SYCP2: variants seen among roughly 807,000 people sequenced by gnomAD.
The protein encoded by SYCP2 is synaptonemal complex protein 2.
Under a neutral mutation model 211.3 loss-of-function variants are expected in SYCP2, and 55 were observed. The ratio of observed to expected loss-of-function variants is 0.26; its 90% confidence interval spans 0.21 to 0.33. The LOEUF (loss-of-function observed/expected upper bound fraction) is 0.33, where lower values mean the gene tolerates loss of function less well. Among genes scored for constraint, SYCP2 ranks in the 10% least tolerant of loss-of-function variants. The pLI, the probability that SYCP2 is intolerant of heterozygous loss-of-function variation, is 1.00. For missense variants in SYCP2, 1,731 were observed against 1,752.0 expected, an observed-to-expected ratio of 0.99 and a Z score of 0.21; for synonymous variants, 570 against 555.2, an observed-to-expected ratio of 1.03 and a Z score of -0.37.
At chr20:59,911,490 A>G (rs1156819711) in intron 14 of SYCP2, among the ~76,000 whole-genome samples, 2 of 152,230 alleles carry the variant, frequency 1.3e-5, no homozygotes, top group Admixed American at 6.5e-5. Flanking sequence ...GTCATAAATT[A>G]ACATTTATTT....
In SYCP2 at chr20:59,886,712, A is replaced by C; in HGVS notation, c.2487T>G (p.Ile829Met). 6.4e-7 allele frequency: 1 copy of C among 1,552,858 alleles called. No individual in the cohort carries two copies. Among genetic ancestry groups the C allele is most frequent in the Admixed American group, 2.2e-5 (1 of 45,704 alleles). ...KSTRKLKESL[I>M]NSGFSNKPVV... ...TCTGAAATTTAAGAACATACCTGTT[A>C]ATCAAAGACTCCTTTAATTTTCTTG... The change falls in exon 25 of 45, where the codon ATT becomes ATG. Residue 829 changes from isoleucine (I) to methionine (M), a missense_variant. Coordinates refer to ENST00000357552, the MANE Select transcript of SYCP2 (RefSeq NM_014258.4).
chr20:59,865,776 AG>A lies in SYCP2; in HGVS notation c.4379+30del, dbSNP rs758358077. ...TATTAATTTAAAAATCTAATTTTAT[AG>A]ATTATAGCCATTAAGAATGTCATAC... On this transcript the variant is annotated intron_variant, in intron 42 of 44. Transcript: ENST00000357552. 3.3e-6 allele frequency: 4 copies of A among 1,213,736 alleles called. No individual in the cohort carries two copies. In the African/African-American group the frequency reaches 4.8e-5, roughly 15 times the overall value. 75.2% of individuals were successfully genotyped at this position (1,213,736 alleles called of 1,614,324 possible).
rs375706587 is a variant in SYCP2, at chr20:59,909,204, A to G, written c.973-1780T>C. ...AATTTGTTTTTCATAGTTCTTTCAT[A>G]TAGGCACTCATTAAAACCCATGGTT... is the stretch of plus-strand genomic sequence containing the variant. On this transcript the variant is annotated intron_variant, in intron 14 of 44. Transcript: ENST00000357552. 6.6e-5 allele frequency among the ~76,000 whole-genome samples: 10 copies of G among 152,172 alleles called. No homozygotes were observed. In the East Asian group the frequency reaches 1.9e-3, roughly 29 times the overall value.
At chr20:59,897,207 G>A (rs1208007659) in intron 18 of SYCP2, among the ~76,000 whole-genome samples, 2 of 152,016 alleles carry the variant, frequency 1.3e-5, no homozygotes, top group African/African-American at 2.4e-5. Flanking sequence ...TAAAAGAGCT[G>A]GTTTTAAGGC....
intron 25 of SYCP2, 64 bp from the exon 26 acceptor site, chr20:59,886,028 T>C: frequency 8.0e-7 from 1 of 1,243,354 alleles, no homozygotes; most frequent in Non-Finnish European, 1.1e-6. Flanking sequence ...AAAAGTCATT[T>C]TAAGATAAAC....
At position 59,864,075 on chromosome 20, in the gene SYCP2, T is replaced by C. The variant is rs927881946; in HGVS notation, c.*236A>G. 1.4e-5 allele frequency: 4 copies of C among 293,610 alleles called. No homozygotes were observed. In the South Asian group the frequency reaches 6.5e-4, roughly 48 times the overall value. 18.2% of individuals were successfully genotyped at this position (293,610 alleles called of 1,614,324 possible). A position where few individuals can be genotyped will look rare whatever the true frequency, so the allele number is the denominator to read the frequency against. On this transcript the variant is annotated 3_prime_UTR_variant, in exon 45 of 45. Transcript: ENST00000357552. The stretch of plus-strand genomic sequence containing the variant: ...AACTCAAAAAGTTTCTTAAAGCTTT[T>C]ATCTCCAAAATTAAAAAAAAATATT...
intron 14 of SYCP2, 35 bp from the exon 15 acceptor site, chr20:59,907,459 T>C: frequency 6.5e-7 from 1 of 1,546,228 alleles, no homozygotes; most frequent in South Asian, 1.2e-5. Context: ...CCATAAATAA[T>C]TTATTTCTGA....
chr20:59,884,852 CA>C (rs2059755069), intron 26 of SYCP2, among the ~76,000 whole-genome samples: 1 of 151,638 alleles, frequency 6.6e-6, no homozygotes, highest in Non-Finnish European at 1.5e-5. Flanking sequence ...AGTGAAAAAA[CA>C]GAAGAAAAAA....
At chr20:59,906,522 GCAT>G (rs1188718138) in intron 15 of SYCP2, among the ~76,000 whole-genome samples, 1 of 152,014 alleles carries the variant, frequency 6.6e-6, no homozygotes, top group Non-Finnish European at 1.5e-5. Context: ...TCCAATCTCT[GCAT>G]CATACCTTAA....
intron 24 of SYCP2, 114 bp downstream of exon 24, chr20:59,891,876 A>G: frequency 1.1e-6 from 1 of 921,418 alleles, no homozygotes; most frequent in Admixed American, 3.2e-5. Flanking sequence ...CACTGAATTA[A>G]ACAAGGTATT....
intron 19 of SYCP2, 75 bp from the exon 20 acceptor site, chr20:59,895,672 AAAGGT>A: frequency 6.5e-7 from 1 of 1,526,728 alleles, no homozygotes; most frequent in Non-Finnish European, 9.0e-7. Flanking sequence ...TTCCAATGAG[AAAGGT>A]AAGAAACGAA....
rs201091355 is a variant in SYCP2 at position 59,865,851 on chromosome 20, C to A, written c.4335G>T (p.Lys1445Asn). Residue 1445 changes from lysine to asparagine, a missense_variant, in exon 42 of 45, where the codon AAG (lysine) becomes AAT (asparagine). Lys to Asn is a moderately conservative substitution (Grantham distance 94, BLOSUM62 0). Transcript: ENST00000357552. ...GATATGCACTGAACTTCTGAAATATCTTTTCCCAAAAGTCCTAAATTAATT... is the reference window on the plus strand; with the variant it reads ...GATATGCACTGAACTTCTGAAATATATTTTCCCAAAAGTCCTAAATTAATT... ...LEKEFVDFWE[K>N]IFQKFSAYQK... The A allele has an allele frequency of 3.5e-6, 5 of 1,421,196 alleles. No individual in the cohort carries two copies. The highest frequency in any genetic ancestry group is 4.7e-6 in the Non-Finnish European group (5 of 1,062,724). 88.0% of individuals were successfully genotyped at this position (1,421,196 alleles called of 1,614,324 possible). A position where few individuals can be genotyped will look rare whatever the true frequency, so the allele number is the denominator to read the frequency against.
At chr20:59,892,804 G>T in intron 22 of SYCP2, 103 bp from the exon 23 acceptor site, 1 of 1,061,862 alleles carries the variant, frequency 9.4e-7, no homozygotes, top group Non-Finnish European at 1.3e-6. Context: ...GATTACTTAT[G>T]TGAAAATTAT....
In SYCP2 at chr20:59,870,567, G is replaced by C. The variant is rs557976046; in HGVS notation, c.3556-584C>G. On this transcript the variant is annotated intron_variant, in intron 35 of 44. Transcript: ENST00000357552. ...AGGAAATAAGACAAAAAAGTGGAGA[G>C]AGAAATCATGTGTAGATAAGAAAGA... 2.0e-4 allele frequency among the ~76,000 whole-genome samples: 31 copies of C among 151,860 alleles called. No homozygotes were observed. The South Asian group carries it at 6.0e-3, about 29-fold the overall frequency.
At chr20:59,928,374 T>G (rs2060672816) in intron 2 of SYCP2, among the ~76,000 whole-genome samples, 2 of 152,164 alleles carry the variant, frequency 1.3e-5, no homozygotes, top group South Asian at 4.1e-4. Flanking sequence ...CTTAACATTA[T>G]AAAACCATCA....
chr20:59,894,012 G>A (rs774154132), intron 20 of SYCP2, among the ~76,000 whole-genome samples: 20 of 151,940 alleles, frequency 1.3e-4, no homozygotes, highest in Admixed American at 1.2e-3. Flanking sequence ...ATATCGAAGA[G>A]GACGATTTTT....
intron 2 of SYCP2, among the ~76,000 whole-genome samples, chr20:59,922,910 G>A (rs1345805413): frequency 2.6e-5 from 4 of 151,852 alleles, no homozygotes; most frequent in African/African-American, 9.7e-5. Flanking sequence ...AAATATGCAA[G>A]GAAAGGAGTG....
intron 15 of SYCP2, among the ~76,000 whole-genome samples, chr20:59,904,578 A>G (rs933901525): frequency 2.6e-5 from 4 of 152,198 alleles, no homozygotes; most frequent in Non-Finnish European, 5.9e-5. Context: ...TGGAGCATCT[A>G]TTGTTCCTGT....
In SYCP2 at chr20:59,867,761, T is replaced by G; in HGVS notation, c.4075A>C (p.Thr1359Pro). The G allele has an allele frequency of 6.2e-7, 1 of 1,610,216 alleles. No homozygotes were observed. The highest frequency in any genetic ancestry group is 8.5e-7 in the Non-Finnish European group (1 of 1,177,464). Residue 1359 changes from threonine (T) to proline (P), a missense_variant, in exon 39 of 45, where the codon ACT (threonine) becomes CCT (proline). By Grantham distance (38) the Thr-to-Pro change is conservative. Around this residue, in one of 3 missense-constraint regions of SYCP2, gnomAD observed 1,387 missense variants for 1,351.3 expected, o/e 1.03. Coordinates refer to ENST00000357552, the MANE Select transcript of SYCP2 (RefSeq NM_014258.4). The stretch of plus-strand genomic sequence containing the variant: ...TTGAGCCTCTCGTAAGTCTCATAAG[T>G]CATCTCTATCCCTGCAAATTCATTT... ...WQNEFAGIEM[T>P]YETYERLNSE...
Sources: allele counts gnomAD v4.1 joint callset (sites outside exome capture counted in the v4.1 genomes callset), GRCh38; gene constraint gnomAD v4.1.1; regional missense constraint gnomAD v4.1.1; transcripts MANE v1.5; gene names NCBI Gene and HGNC (gene_info 2026-07-23, HGNC 2026-07-21).